The following SEMA3E variants were observed in gnomAD, a reference collection of about 807,000 sequenced individuals.
The protein encoded by SEMA3E is semaphorin 3E, also known as semaphorin-3E.
Under a neutral mutation model 93.6 loss-of-function variants are expected in SEMA3E, and 49 were observed. The observed-to-expected ratio is 0.52, with a 90% CI of 0.42 to 0.66. SEMA3E has a LOEUF of 0.66. SEMA3E is among the 30% of genes least tolerant of loss of function. The pLI, the probability that SEMA3E is intolerant of heterozygous loss-of-function variation, is 0.00. For missense variants in SEMA3E, 906 were observed against 964.8 expected (o/e 0.94, Z 0.81); for synonymous variants, 363 against 330.7 (o/e 1.10, Z -1.06).
At chr7:83,524,982 T>C (rs1166459146) in intron 1 of SEMA3E, among the ~76,000 whole-genome samples, 2 of 151,984 alleles carry the variant, frequency 1.3e-5, no homozygotes, top group African/African-American at 4.8e-5. Flanking sequence ...TCTTTCTGGA[T>C]TGGCTACTCT....
At chr7:83,447,669 A>G (rs1789262171) in intron 4 of SEMA3E, among the ~76,000 whole-genome samples, 2 of 152,264 alleles carry the variant, frequency 1.3e-5, no homozygotes. Context: ...AAAGATATTT[A>G]GCAAGAGAGA....
intron 4 of SEMA3E, among the ~76,000 whole-genome samples, chr7:83,432,400 TAAA>T (rs969194661): frequency 6.6e-6 from 1 of 151,760 alleles, no homozygotes; most frequent in Admixed American, 6.6e-5. Context: ...ATAAGACAAA[TAAA>T]AAGTTATAAT....
At chr7:83,486,993 A>G (rs921454720) in intron 2 of SEMA3E, among the ~76,000 whole-genome samples, 1 of 152,090 alleles carries the variant, frequency 6.6e-6, no homozygotes, top group Non-Finnish European at 1.5e-5. Context: ...CTCAATGGCC[A>G]CATATCACTC....
At chr7:83,498,385 A>G (rs1562807589) in intron 1 of SEMA3E, among the ~76,000 whole-genome samples, 1 of 152,234 alleles carries the variant, frequency 6.6e-6, no homozygotes, top group Non-Finnish European at 1.5e-5. Context: ...ATATAATTCT[A>G]TAAATATAAC....
intron 1 of SEMA3E, among the ~76,000 whole-genome samples, chr7:83,635,374 T>G (rs1271669782): frequency 6.6e-6 from 1 of 151,896 alleles, no homozygotes; most frequent in Non-Finnish European, 1.5e-5. Context: ...GACTTCTTTT[T>G]ATAGATTATC....
chr7:83,611,633 A>G (rs1433980638), intron 1 of SEMA3E, among the ~76,000 whole-genome samples: 1 of 151,584 alleles, frequency 6.6e-6, no homozygotes, highest in African/African-American at 2.4e-5. Context: ...CCCATATCCT[A>G]CAAGAATCTA....
chr7:83,647,462 T>C (rs1373805523), intron 1 of SEMA3E, among the ~76,000 whole-genome samples: 3 of 152,194 alleles, frequency 2.0e-5, no homozygotes, highest in African/African-American at 2.4e-5. Context: ...TGTCTCAATG[T>C]GTCAATGGCT....
chr7:83,493,227 A>G (rs890145839), intron 1 of SEMA3E, among the ~76,000 whole-genome samples: 1 of 151,976 alleles, frequency 6.6e-6, no homozygotes, highest in Non-Finnish European at 1.5e-5. Flanking sequence ...TTGGAAGCTT[A>G]TCAAAGGGAG....
chr7:83,572,022 T>A (rs1792297189), intron 1 of SEMA3E, among the ~76,000 whole-genome samples: 1 of 151,740 alleles, frequency 6.6e-6, no homozygotes, highest in South Asian at 2.1e-4. Flanking sequence ...ACTAAGGAGG[T>A]GAAAGATCTT....
At chr7:83,507,447 T>A in intron 1 of SEMA3E, among the ~76,000 whole-genome samples, 1 of 148,706 alleles carries the variant, frequency 6.7e-6, no homozygotes, top group African/African-American at 2.5e-5. Flanking sequence ...TGTGTGTGTG[T>A]GTGTGTGTGT....
chr7:83,409,120 A>T (rs946006310), intron 5 of SEMA3E, among the ~76,000 whole-genome samples: 1 of 152,196 alleles, frequency 6.6e-6, no homozygotes, highest in Non-Finnish European at 1.5e-5. Context: ...TGATTGAAGG[A>T]AGTTAGTTGC....
intron 1 of SEMA3E, among the ~76,000 whole-genome samples, chr7:83,518,661 A>G (rs1562816144): frequency 6.6e-6 from 1 of 152,170 alleles, no homozygotes; most frequent in Non-Finnish European, 1.5e-5. Context: ...TATTAAAAAG[A>G]GAGGTAAAGG....
chr7:83,449,810 A>G (rs1789317833), intron 4 of SEMA3E, among the ~76,000 whole-genome samples: 1 of 152,170 alleles, frequency 6.6e-6, no homozygotes, highest in Non-Finnish European at 1.5e-5. Context: ...TTTATTTTGG[A>G]CCTTGTTTTA....
rs869154627 is a variant in SEMA3E, at chr7:83,639,140, AC to A, written c.115+9287del. Among the ~76,000 whole-genome samples the A allele has an allele frequency of 5.1e-3, 515 of 100,780 alleles. 6 individuals are homozygous for A. Among genetic ancestry groups the A allele is most frequent in the East Asian group, 0.011 (23 of 2,176 alleles). The allele number at this position is 100,780 out of a possible 152,430, so 66.1% of individuals were successfully genotyped here. A position where few individuals can be genotyped will look rare whatever the true frequency, so the allele number is the denominator to read the frequency against. ...AAAAAAAAAAAAAAAAAAAAAAAAA[AC>A]AGAGATTCCTGAGCCTCAGAATTAT... On this transcript the variant is annotated intron_variant, in intron 1 of 16. Coordinates refer to ENST00000643230, the MANE Select transcript of SEMA3E (RefSeq NM_012431.3).
rs1400918233 is a variant in SEMA3E at position 83,367,798 on chromosome 7, CT to C, written c.2115del (p.Ala706GlnfsTer11). 1 of 1,614,094 alleles carries C rather than the reference CT, an allele frequency of 6.2e-7. No homozygotes were observed. The highest frequency in any genetic ancestry group is 1.1e-5 in the South Asian group (1 of 91,076). On this transcript the variant is annotated frameshift_variant, in exon 17 of 17. Transcript: ENST00000643230. LOFTEE classifies it high-confidence loss of function. ...PCPAQSSISQGAKPWYKEFLQ... is the reference protein window; with the variant it reads ...PCPAQSSISQXAKPWYKEFLQ... ...AAGAATTCCTTGTACCATGGTTTTG[CT>C]CCCTGCGAGATGCTACTCTGAGCAG...
chr7:83,529,564 G>T (rs918804576), intron 1 of SEMA3E, among the ~76,000 whole-genome samples: 1 of 152,082 alleles, frequency 6.6e-6, no homozygotes, highest in East Asian at 1.9e-4. Flanking sequence ...CATACGAAGA[G>T]ACTTTAATCT....
intron 2 of SEMA3E, among the ~76,000 whole-genome samples, chr7:83,472,161 C>T (rs1789911328): frequency 1.3e-5 from 2 of 152,102 alleles, no homozygotes; most frequent in Non-Finnish European, 2.9e-5. Context: ...GGTATATATA[C>T]ACAACAGAAG....
At chr7:83,519,813 T>G (rs903679166) in intron 1 of SEMA3E, among the ~76,000 whole-genome samples, 5 of 152,146 alleles carry the variant, frequency 3.3e-5, no homozygotes, top group Non-Finnish European at 7.4e-5. Context: ...ACATGGGATA[T>G]GTATCTTTCT....
chr7:83,614,373 C>T (rs1220558117), intron 1 of SEMA3E, among the ~76,000 whole-genome samples: 2 of 152,064 alleles, frequency 1.3e-5, no homozygotes, highest in African/African-American at 4.8e-5. Flanking sequence ...GAAAGGATTT[C>T]ACCACATGTA....
Sources: allele counts gnomAD v4.1 joint callset (sites outside exome capture counted in the v4.1 genomes callset), GRCh38; gene constraint gnomAD v4.1.1; transcripts MANE v1.5; gene names NCBI Gene and HGNC (gene_info 2026-07-23, HGNC 2026-07-21).